NPFFR2: variants seen among roughly 807,000 people sequenced by gnomAD.
The protein encoded by NPFFR2 is neuropeptide FF receptor 2.
A neutral mutation model predicts 13.1 loss-of-function variants in NPFFR2; 15 were observed. The observed-to-expected ratio is 1.15, with a 90% CI of 0.77 to 1.76. The LOEUF is 1.76. Ranked by LOEUF, NPFFR2 falls within the 40% of genes most tolerant of loss-of-function variation. The pLI, the probability that NPFFR2 is intolerant of heterozygous loss-of-function variation, is 0.00. For synonymous variants in NPFFR2, 190 were observed against 175.7 expected (o/e 1.08, Z -0.65); for missense variants, 572 against 503.5 (o/e 1.14, Z -1.30).
chr4:72,080,740 A>G (rs1720593684), intron 1 of NPFFR2, among the ~76,000 whole-genome samples: 1 of 152,170 alleles, frequency 6.6e-6, no homozygotes, highest in African/African-American at 2.4e-5. Flanking sequence ...GAGTTGGATA[A>G]GAGAGGAAAT....
rs770821928 is a variant in NPFFR2 at position 72,147,394 on chromosome 4, T to C, written c.845T>C (p.Leu282Pro). Residue 282 changes from leucine (L) to proline (P), a missense_variant, in exon 4 of 4, where the codon CTT becomes CCT. By Grantham distance (98) the Leu-to-Pro change is moderately conservative. Transcript: ENST00000308744. ...IIKMLLIVALLFILSWLPLWT... is the reference protein window; with the variant it reads ...IIKMLLIVALPFILSWLPLWT... ...AAGATGCTCCTGATTGTGGCCCTGC[T>C]TTTTATTCTCTCATGGCTGCCCCTG... The C allele has an allele frequency of 6.2e-7, 1 of 1,614,044 alleles. No homozygotes were observed. Among genetic ancestry groups the C allele is most frequent in the African/African-American group, 1.3e-5 (1 of 74,918 alleles).
chr4:72,098,168 CA>C (rs145078209), intron 1 of NPFFR2, among the ~76,000 whole-genome samples: 4,419 of 152,198 alleles, frequency 0.029, 173 homozygotes, highest in African/African-American at 0.09. Context: ...ATTATGGAAA[CA>C]ACATGATATT....
At chr4:72,060,048 CATTT>C (rs1479832133) in intron 1 of NPFFR2, among the ~76,000 whole-genome samples, 1 of 152,036 alleles carries the variant, frequency 6.6e-6, no homozygotes, top group African/African-American at 2.4e-5. Context: ...TCCAGCTTCC[CATTT>C]ATTAAAGAGA....
At chr4:72,060,990 G>A (rs4379029) in intron 1 of NPFFR2, among the ~76,000 whole-genome samples, 135,697 of 152,170 alleles carry the variant, frequency 0.89, 61,601 homozygotes, top group Non-Finnish European at 0.98. Flanking sequence ...GGAGAGTTTC[G>A]ACAGCAGAAA....
chr4:72,049,287 G>T (rs1017261096), intron 1 of NPFFR2, among the ~76,000 whole-genome samples: 7 of 152,042 alleles, frequency 4.6e-5, no homozygotes, highest in Non-Finnish European at 1.0e-4. Context: ...AGGCTGTGTT[G>T]TGTCTTTGGT....
chr4:72,038,197 C>G (rs868236886), intron 1 of NPFFR2, among the ~76,000 whole-genome samples: 1 of 152,122 alleles, frequency 6.6e-6, no homozygotes, highest in Admixed American at 6.5e-5. Flanking sequence ...CATTTCATCT[C>G]GGGTCTGGAA....
chr4:72,059,285 G>T (rs575822050), intron 1 of NPFFR2, among the ~76,000 whole-genome samples: 1 of 152,152 alleles, frequency 6.6e-6, no homozygotes, highest in East Asian at 1.9e-4. Flanking sequence ...AAAAGATATA[G>T]TTTCACATAG....
intron 1 of NPFFR2, among the ~76,000 whole-genome samples, chr4:72,074,439 A>G (rs941221559): frequency 1.8e-4 from 28 of 152,108 alleles, no homozygotes; most frequent in African/African-American, 6.5e-4. Flanking sequence ...GTAGATAGCT[A>G]TAATTGCTCC....
chr4:72,104,881 G>A (rs944930375), intron 1 of NPFFR2, among the ~76,000 whole-genome samples: 14 of 151,686 alleles, frequency 9.2e-5, no homozygotes, highest in African/African-American at 3.1e-4. Context: ...GGTGCCATAG[G>A]AAATTGAGAA....
At chr4:72,051,383 C>T (rs1719574832) in intron 1 of NPFFR2, among the ~76,000 whole-genome samples, 1 of 152,036 alleles carries the variant, frequency 6.6e-6, no homozygotes, top group Non-Finnish European at 1.5e-5. Context: ...ACGACCTGCT[C>T]CTGAATGACT....
intron 1 of NPFFR2, among the ~76,000 whole-genome samples, chr4:72,053,860 C>T (rs545587654): frequency 6.6e-6 from 1 of 151,840 alleles, no homozygotes; most frequent in Non-Finnish European, 1.5e-5. Context: ...TCTAAGAGCA[C>T]AGTATTCAAT....
chr4:72,142,665 T>C (rs1722667181), intron 3 of NPFFR2, among the ~76,000 whole-genome samples: 1 of 152,168 alleles, frequency 6.6e-6, no homozygotes, highest in African/African-American at 2.4e-5. Context: ...TAAAAATAAA[T>C]AATTGGAGAT....
intron 1 of NPFFR2, among the ~76,000 whole-genome samples, chr4:72,040,956 C>A (rs903883212): frequency 1.5e-5 from 2 of 134,066 alleles, no homozygotes; most frequent in African/African-American, 5.2e-5. Context: ...ATTTTAATTT[C>A]TAGGTGCTAT....
At chr4:72,085,749 T>C (rs1178916619) in intron 1 of NPFFR2, among the ~76,000 whole-genome samples, 2 of 152,184 alleles carry the variant, frequency 1.3e-5, no homozygotes, top group African/African-American at 4.8e-5. Flanking sequence ...CCTCCTACAC[T>C]GACTACATTT....
chr4:72,110,042 T>C (rs1288118418), intron 1 of NPFFR2, among the ~76,000 whole-genome samples: 2 of 152,068 alleles, frequency 1.3e-5, no homozygotes, highest in Admixed American at 6.6e-5. Flanking sequence ...GCAACCTGCT[T>C]GATATGGTTT....
chr4:72,034,583 C>T (rs528789225), intron 1 of NPFFR2, among the ~76,000 whole-genome samples: 2 of 152,306 alleles, frequency 1.3e-5, no homozygotes, highest in Non-Finnish European at 2.9e-5. Context: ...CACGGCCAAA[C>T]TATATCAATA....
intron 1 of NPFFR2, among the ~76,000 whole-genome samples, chr4:72,100,355 A>G (rs1721205462): frequency 6.6e-6 from 1 of 152,130 alleles, no homozygotes; most frequent in Non-Finnish European, 1.5e-5. Flanking sequence ...GTGAATATGT[A>G]TAAGCTACTT....
chr4:72,093,891 T>C (rs750046413), intron 1 of NPFFR2, among the ~76,000 whole-genome samples: 6 of 152,006 alleles, frequency 3.9e-5, no homozygotes, highest in Non-Finnish European at 8.8e-5. Flanking sequence ...CTAGTATATT[T>C]TGGGGGTGAT....
intron 1 of NPFFR2, among the ~76,000 whole-genome samples, chr4:72,102,637 G>A (rs1462724715): frequency 6.8e-6 from 1 of 146,160 alleles, no homozygotes; most frequent in East Asian, 2.1e-4. Flanking sequence ...TTGTTTTTTT[G>A]TCCTTGCGAT....
Sources: allele counts gnomAD v4.1 joint callset (sites outside exome capture counted in the v4.1 genomes callset), GRCh38; gene constraint gnomAD v4.1.1; transcripts MANE v1.5; gene names NCBI Gene and HGNC (gene_info 2026-07-23, HGNC 2026-07-21).